The following GLT8D2 variants were observed in gnomAD, a reference collection of about 807,000 sequenced individuals.
GLT8D2 encodes the protein glycosyltransferase 8 domain-containing protein 2.
GLT8D2 carries 45 observed loss-of-function variants against 44.5 expected under a neutral mutation model. That is an observed-to-expected ratio of 1.01 (90% CI 0.80 to 1.30). The LOEUF is 1.30. GLT8D2 is among the 50% of genes most tolerant of loss of function. The pLI, the probability that GLT8D2 is intolerant of heterozygous loss-of-function variation, is 0.00. For synonymous variants in GLT8D2, 156 were observed against 157.2 expected (o/e 0.99, Z 0.06); for missense variants, 400 against 430.4 (o/e 0.93, Z 0.62).
rs1874465895 is a variant in GLT8D2, at chr12:104,003,115, G to T, written c.284+20C>A. Reference sequence around the variant, plus strand: ...GGGGAAGGAAACAGAAAGTGCCAAAGTCTGTAAGACATAACTTACCGTATT... The same window carrying T: ...GGGGAAGGAAACAGAAAGTGCCAAATTCTGTAAGACATAACTTACCGTATT... On this transcript the variant is annotated intron_variant, in intron 5 of 10. Coordinates refer to ENST00000360814, the MANE Select transcript of GLT8D2 (RefSeq NM_001384711.1). The T allele has an allele frequency of 1.2e-6, 2 of 1,602,964 alleles. No individual in the cohort carries two copies. Among genetic ancestry groups the T allele is most frequent in the Non-Finnish European group, 1.7e-6 (2 of 1,170,780 alleles).
In GLT8D2 at chr12:104,033,664, C is replaced by T. The variant is rs574427452; in HGVS notation, c.-163-12173G>A. 1.5e-4 allele frequency among the ~76,000 whole-genome samples: 23 copies of T among 151,432 alleles called. No homozygotes were observed. In the South Asian group the frequency reaches 3.8e-3, roughly 25 times the overall value. On this transcript the variant is annotated intron_variant, in intron 1 of 10. Coordinates refer to ENST00000360814, the MANE Select transcript of GLT8D2 (RefSeq NM_001384711.1). ...ATCTTAAGAGTTCTCACTGCACATA[C>T]GCAAAAGGCAACTACGTGAGGGTGA...
chr12:104,003,044 A>G (rs1248786781), intron 5 of GLT8D2, 91 bp downstream of exon 5: 2 of 948,220 alleles, frequency 2.1e-6, no homozygotes, highest in African/African-American at 1.6e-5. Context: ...GAAAGAAAGA[A>G]AAGAAGAAGA....
rs532899433 is a variant in GLT8D2, at chr12:104,027,636, G to A, written c.-163-6145C>T. On this transcript the variant is annotated intron_variant, in intron 1 of 10. Coordinates refer to ENST00000360814, the MANE Select transcript of GLT8D2 (RefSeq NM_001384711.1). Reference sequence around the variant, plus strand: ...AATAATCATAGCTATCATTTATTGCGAATTTAATTTGCACGCAGCTCCAGG... The same window carrying A: ...AATAATCATAGCTATCATTTATTGCAAATTTAATTTGCACGCAGCTCCAGG... Among the ~76,000 whole-genome samples, 136 of 152,302 alleles carry A rather than the reference G, an allele frequency of 8.9e-4. 3 individuals carry two copies. Among genetic ancestry groups the A allele is most frequent in the South Asian group, 4.1e-3 (20 of 4,824 alleles).
intron 4 of GLT8D2, among the ~76,000 whole-genome samples, chr12:104,010,567 G>A (rs1394793884): frequency 6.6e-6 from 1 of 152,186 alleles, no homozygotes; most frequent in East Asian, 1.9e-4. Flanking sequence ...TACACTAGGA[G>A]CTCTGTGAGG....
intron 3 of GLT8D2, among the ~76,000 whole-genome samples, chr12:104,016,389 C>T (rs1440998645): frequency 3.9e-5 from 6 of 152,048 alleles, no homozygotes; most frequent in Admixed American, 3.9e-4. Flanking sequence ...GTAATCCCAG[C>T]ACTTTGGGAG....
At chr12:104,064,393 C>A (rs1882966937), upstream of GLT8D2, 1 of 561,512 alleles carries the variant, frequency 1.8e-6, no homozygotes, top group South Asian at 4.0e-5. The surrounding 1 kb of genome is among the most constrained non-coding windows in gnomAD (Gnocchi z 7.3). Flanking sequence ...CCTGTCAGGA[C>A]CCCCCTTCCC....
chr12:104,048,375 A>C (rs74951250), intron 1 of GLT8D2, among the ~76,000 whole-genome samples: 2 of 152,168 alleles, frequency 1.3e-5, no homozygotes, highest in African/African-American at 2.4e-5. Context: ...TTAAAATGCT[A>C]TTATGCCTTG....
chr12:104,009,053 G>A (rs1422939598), intron 4 of GLT8D2, among the ~76,000 whole-genome samples: 1 of 152,248 alleles, frequency 6.6e-6, no homozygotes, highest in East Asian at 1.9e-4. Context: ...TGTGGGGTCA[G>A]AGCCCCCACG....
intron 6 of GLT8D2, among the ~76,000 whole-genome samples, 164 bp from the exon 7 acceptor site, chr12:103,997,699 C>T (rs1873633526): frequency 6.6e-6 from 1 of 151,962 alleles, no homozygotes; most frequent in African/African-American, 2.4e-5. Flanking sequence ...TTCCCAGTGC[C>T]CAACTTATCT....
chr12:104,002,978 GAGAGAGAGAGACAGAA>G (rs1385262896), intron 5 of GLT8D2, among the ~76,000 whole-genome samples, 141 bp downstream of exon 5: 1 of 148,128 alleles, frequency 6.8e-6, no homozygotes, highest in Non-Finnish European at 1.5e-5. Context: ...AAGACAGAGA[GAGAGAGAGAGACAGAA>G]AGAGAGAGGG....
chr12:104,028,244 T>C (rs768474505), intron 1 of GLT8D2, among the ~76,000 whole-genome samples: 3 of 152,164 alleles, frequency 2.0e-5, no homozygotes, highest in Admixed American at 2.0e-4. Context: ...TTGAGAAGCA[T>C]GCAGTTTCAA....
At chr12:104,012,838 G>C (rs1566197542) in intron 4 of GLT8D2, 5 of 695,856 alleles carry the variant, frequency 7.2e-6, no homozygotes, top group Non-Finnish European at 1.3e-5. Flanking sequence ...AATAAAAGGA[G>C]GAAAAGAGGA....
In GLT8D2 at chr12:104,019,649, G is replaced by A; in HGVS notation, c.-1C>T. 1.2e-6 allele frequency: 2 copies of A among 1,609,686 alleles called. No homozygotes were observed. Among genetic ancestry groups the A allele is most frequent in the Non-Finnish European group, 1.7e-6 (2 of 1,176,904 alleles). On this transcript the variant is annotated 5_prime_UTR_variant, in exon 3 of 11. Transcript: ENST00000360814. Reference sequence around the variant, plus strand: ...TCTTACTTTTTCGTAACAGAGCCATGTGTATTCACGCGGATAAGAACTGTA... The same window carrying A: ...TCTTACTTTTTCGTAACAGAGCCATATGTATTCACGCGGATAAGAACTGTA...
At chr12:103,990,611 G>A (rs1238038931) in intron 10 of GLT8D2, among the ~76,000 whole-genome samples, 1 of 152,184 alleles carries the variant, frequency 6.6e-6, no homozygotes, top group Non-Finnish European at 1.5e-5. Flanking sequence ...AATTACGAGA[G>A]GGTTGATTTG....
chr12:103,998,956 T>G (rs1176734514), intron 6 of GLT8D2, among the ~76,000 whole-genome samples: 1 of 152,158 alleles, frequency 6.6e-6, no homozygotes, highest in Non-Finnish European at 1.5e-5. Flanking sequence ...CTGAATATAT[T>G]ATCTTAGTCA....
intron 5 of GLT8D2, among the ~76,000 whole-genome samples, chr12:104,002,243 G>A (rs1874316225): frequency 6.6e-6 from 1 of 152,172 alleles, no homozygotes; most frequent in South Asian, 2.1e-4. Flanking sequence ...ATAGGAGTGA[G>A]CCACCTCACC....
chr12:104,033,990 T>C (rs1335877056), intron 1 of GLT8D2, among the ~76,000 whole-genome samples: 1 of 152,124 alleles, frequency 6.6e-6, no homozygotes, highest in Non-Finnish European at 1.5e-5. Flanking sequence ...GCTGAATATA[T>C]ACATTTTTTA....
chr12:104,012,349 A>G (rs1003288156), intron 4 of GLT8D2, among the ~76,000 whole-genome samples: 13 of 152,220 alleles, frequency 8.5e-5, no homozygotes, highest in African/African-American at 3.1e-4. Flanking sequence ...ATTTTATAAC[A>G]TCGATTTTAA....
intron 4 of GLT8D2, among the ~76,000 whole-genome samples, chr12:104,003,930 T>C (rs1874596357): frequency 6.6e-6 from 1 of 152,090 alleles, no homozygotes; most frequent in African/African-American, 2.4e-5. Context: ...ATGAAACTCT[T>C]TCTGCTTCTG....
Sources: allele counts gnomAD v4.1 joint callset (sites outside exome capture counted in the v4.1 genomes callset), GRCh38; gene constraint gnomAD v4.1.1; non-coding constraint Gnocchi (gnomAD v3.1); transcripts MANE v1.5; gene names NCBI Gene and HGNC (gene_info 2026-07-23, HGNC 2026-07-21).